Variants in PTPN2 observed in about 807,000 individuals in gnomAD.
The protein encoded by PTPN2 is tyrosine-protein phosphatase non-receptor type 2.
A neutral mutation model predicts 57.3 loss-of-function variants in PTPN2; 19 were observed. The observed-to-expected ratio is 0.33, with a 90% confidence interval of 0.23 to 0.49. PTPN2 has a LOEUF of 0.49. Among genes scored for constraint, PTPN2 ranks in the 20% least tolerant of loss-of-function variants. The probability of loss-of-function intolerance (pLI) is 0.99; values close to 1 mark genes in which losing one functional copy is unlikely to be tolerated. For missense variants in PTPN2, 358 were observed against 501.1 expected (o/e 0.71, Z 2.73); for synonymous variants, 153 against 164.9 (o/e 0.93, Z 0.55).
chr18:12,814,166 AC>A, intron 7 of PTPN2, 36 bp downstream of exon 7: 1 of 1,443,202 alleles, frequency 6.9e-7, no homozygotes, highest in South Asian at 1.2e-5. Context: ...TGTGTATTTA[AC>A]AAATAGATAT....
intron 7 of PTPN2, among the ~76,000 whole-genome samples, chr18:12,807,580 A>ATATATAT (rs1405214676): frequency 5.0e-5 from 3 of 60,166 alleles, no homozygotes; most frequent in Non-Finnish European, 1.1e-4. Flanking sequence ...AAAAAAAAAA[A>ATATATAT]AAAAAAATAT....
intron 3 of PTPN2, among the ~76,000 whole-genome samples, chr18:12,833,251 G>C (rs1399910983): frequency 6.6e-6 from 1 of 152,200 alleles, no homozygotes; most frequent in African/African-American, 2.4e-5. Flanking sequence ...GATGACTGAA[G>C]TAACAATCTA....
At chr18:12,831,498 G>A (rs1372175871) in intron 3 of PTPN2, among the ~76,000 whole-genome samples, 3 of 152,174 alleles carry the variant, frequency 2.0e-5, no homozygotes, top group South Asian at 2.1e-4. Context: ...ACAAAATCAC[G>A]AGTAGGAGTA....
Position 12,831,340 on chromosome 18 carries a change from G to GT in PTPN2, c.262-300_262-299insA, listed in dbSNP as rs142753945. On this transcript the variant is annotated intron_variant, in intron 3 of 8. Coordinates refer to ENST00000309660, the MANE Select transcript of PTPN2 (RefSeq NM_002828.4). ...AGAGACAAACTTGGGTAGGAACCAA[G>GT]GGTTAAGACACAAGCAAGGTCCTGC... Among the ~76,000 whole-genome samples, 1,078 of 152,282 alleles carry GT rather than the reference G, an allele frequency of 7.1e-3. 16 individuals are homozygous for GT. Among genetic ancestry groups the GT allele is most frequent in the African/African-American group, 0.025 (1,048 of 41,550 alleles).
chr18:12,804,305 A>G (rs1274749393), intron 7 of PTPN2, among the ~76,000 whole-genome samples: 1 of 150,430 alleles, frequency 6.6e-6, no homozygotes, highest in African/African-American at 2.4e-5. Context: ...AAAAAAAAAA[A>G]AAAAGAAAAA....
intron 1 of PTPN2, among the ~76,000 whole-genome samples, chr18:12,870,191 T>G (rs1412154238): frequency 6.8e-6 from 1 of 147,144 alleles, no homozygotes; most frequent in Non-Finnish European, 1.5e-5. Context: ...GAAAACAGAC[T>G]CAACTTCCAA....
chr18:12,834,814 A>G (rs1208184903), intron 3 of PTPN2, among the ~76,000 whole-genome samples: 1 of 152,222 alleles, frequency 6.6e-6, no homozygotes, highest in Non-Finnish European at 1.5e-5. Flanking sequence ...GGAGAAGAAC[A>G]GTACAGAGGG....
intron 2 of PTPN2, among the ~76,000 whole-genome samples, chr18:12,840,228 T>C (rs2042998050): frequency 6.6e-6 from 1 of 152,340 alleles, no homozygotes; most frequent in Non-Finnish European, 1.5e-5. Flanking sequence ...CAAACAGTGA[T>C]GTCCAAGAAC....
At chr18:12,822,632 G>A (rs1046137711) in intron 5 of PTPN2, among the ~76,000 whole-genome samples, 1 of 152,154 alleles carries the variant, frequency 6.6e-6, no homozygotes, top group Non-Finnish European at 1.5e-5. Context: ...TAATAGATAC[G>A]TGTCAGACTC....
At chr18:12,833,685 A>C (rs933499038) in intron 3 of PTPN2, among the ~76,000 whole-genome samples, 1 of 152,202 alleles carries the variant, frequency 6.6e-6, no homozygotes, top group African/African-American at 2.4e-5. Flanking sequence ...CTACACCACT[A>C]GAGTGACAGG....
intron 4 of PTPN2, among the ~76,000 whole-genome samples, chr18:12,830,142 G>A (rs528899658): frequency 5.3e-5 from 8 of 149,588 alleles, no homozygotes; most frequent in African/African-American, 1.2e-4. Flanking sequence ...TCACTCTACC[G>A]CCCAGGCTGC....
intron 7 of PTPN2, among the ~76,000 whole-genome samples, chr18:12,804,032 G>A (rs990818171): frequency 8.5e-5 from 13 of 152,068 alleles, no homozygotes; most frequent in Admixed American, 2.0e-4. Context: ...ATCAGGCCAG[G>A]TGGGTGGCTC....
chr18:12,809,607 T>C (rs1201332869), intron 7 of PTPN2, among the ~76,000 whole-genome samples: 1 of 152,178 alleles, frequency 6.6e-6, no homozygotes, highest in African/African-American at 2.4e-5. Context: ...TCTTTGAAGA[T>C]CCTATCAAGG....
At chr18:12,850,158 CTAAAT>C (rs1467402090) in intron 2 of PTPN2, among the ~76,000 whole-genome samples, 7 of 151,748 alleles carry the variant, frequency 4.6e-5, no homozygotes, top group African/African-American at 1.7e-4. Flanking sequence ...TATTTTTACT[CTAAAT>C]TAGGTTAGAC....
intron 4 of PTPN2, among the ~76,000 whole-genome samples, chr18:12,827,850 G>A (rs917503038): frequency 2.6e-5 from 4 of 151,994 alleles, no homozygotes; most frequent in African/African-American, 9.7e-5. Flanking sequence ...AAATACTAAG[G>A]ACTGTAATTC....
At chr18:12,870,577 T>C (rs1472930754) in intron 1 of PTPN2, among the ~76,000 whole-genome samples, 1 of 142,616 alleles carries the variant, frequency 7.0e-6, no homozygotes, top group Non-Finnish European at 1.5e-5. Flanking sequence ...GGCGCGATCT[T>C]GGCTTACTGC....
downstream of PTPN2, among the ~76,000 whole-genome samples, chr18:12,788,432 C>CTGTTTT (rs1555654858): frequency 1.1e-5 from 1 of 90,110 alleles, no homozygotes; most frequent in Non-Finnish European, 2.0e-5. Flanking sequence ...GGGATCAGGG[C>CTGTTTT]TTTTTTTTTT....
intron 8 of PTPN2, among the ~76,000 whole-genome samples, chr18:12,798,061 CA>C (rs2041260079): frequency 6.6e-6 from 1 of 152,166 alleles, no homozygotes; most frequent in Non-Finnish European, 1.5e-5. Flanking sequence ...TTCTCACTCT[CA>C]GTGATCTGGG....
At chr18:12,795,777 G>A (rs938891496) in intron 8 of PTPN2, among the ~76,000 whole-genome samples, 4 of 152,108 alleles carry the variant, frequency 2.6e-5, no homozygotes, top group South Asian at 4.1e-4. Flanking sequence ...ACAAAAAAAC[G>A]GCCAATGGCA....
Sources: gnomAD v4.1 joint callset for allele counts (sites outside exome capture counted in the v4.1 genomes callset) on GRCh38, gnomAD v4.1.1 for gene constraint, MANE v1.5 for transcripts, NCBI Gene and HGNC (gene_info 2026-07-23, HGNC 2026-07-21) for gene names.